Variants in CEP85L observed in about 807,000 individuals in gnomAD.
The protein encoded by CEP85L is centrosomal protein 85L.
In CEP85L, 60 loss-of-function variants were observed where a neutral mutation model predicts 100.3. The observed-to-expected ratio is 0.60, with a 90% CI of 0.49 to 0.74. The LOEUF is 0.74. Among genes scored for constraint, CEP85L ranks in the 30% least tolerant of loss-of-function variants. The pLI is 0.00. For synonymous variants in CEP85L, 319 were observed against 322.7 expected, an observed-to-expected ratio of 0.99 and a Z score of 0.12; for missense variants, 973 against 936.2, an observed-to-expected ratio of 1.04 and a Z score of -0.51.
chr6:118,491,344 T>C, intron 6 of CEP85L: 2 of 393,812 alleles, frequency 5.1e-6, no homozygotes, highest in Non-Finnish European at 7.4e-6. Context: ...TTATTAAAGA[T>C]AGGCCAGCTT....
intron 12 of CEP85L, among the ~76,000 whole-genome samples, chr6:118,467,995 G>A (rs141615296): frequency 1.3e-5 from 2 of 152,288 alleles, no homozygotes; most frequent in East Asian, 3.9e-4. Flanking sequence ...CTGTGTTCAG[G>A]TTATCTGCAT....
At chr6:118,650,399 CACA>C (rs1418768343) in intron 1 of CEP85L, among the ~76,000 whole-genome samples, 2 of 152,182 alleles carry the variant, frequency 1.3e-5, no homozygotes. Flanking sequence ...GTGGCTCCTA[CACA>C]ACTTCTGAGC....
chr6:118,566,135 C>A lies in CEP85L; in HGVS notation c.414G>T (p.Arg138Ser), dbSNP rs202011854. 45 of 1,614,048 alleles carry A rather than the reference C, an allele frequency of 2.8e-5. No individual in the cohort carries two copies. The highest frequency in any genetic ancestry group is 3.3e-5 in the Non-Finnish European group (39 of 1,180,032). Residue 138 changes from arginine (R) to serine (S), a missense_variant, in exon 3 of 13, where the codon AGG (arginine) becomes AGT (serine). By Grantham distance (110) the Arg-to-Ser change is moderately radical (BLOSUM62 -1). Around this residue, in one of 3 missense-constraint regions of CEP85L, gnomAD observed 890 missense variants for 844.5 expected, o/e 1.05. Coordinates refer to ENST00000368491, the MANE Select transcript of CEP85L (RefSeq NM_001042475.3). ...TGTCTAGGGAAGAGTCCTGCTCCCC[C>A]CTACTGTGGTTTCCCAATGTTTGCA... ...SLMQTLGNHS[R>S]GEQDSSLDMK...
rs565036022 is a variant in CEP85L at position 118,470,588 on chromosome 6, C to T, written c.1971G>A (p.Glu657=). The change falls in exon 11 of 13, where the codon GAG becomes GAA. Residue 657 remains glutamate (E), a synonymous_variant. Transcript: ENST00000368491. Reference sequence around the variant, plus strand: ...GTACATTTCTTTCTTTCTTTTCCAGCTCTTCCATCATCTTTTGAGTGGTCA... The same window carrying T: ...GTACATTTCTTTCTTTCTTTTCCAGTTCTTCCATCATCTTTTGAGTGGTCA... ...EKLTTQKMME[E]LEKKERNVQR... The T allele has an allele frequency of 6.2e-7, 1 of 1,607,402 alleles. No individual in the cohort carries two copies. The highest frequency in any genetic ancestry group is 1.1e-5 in the South Asian group (1 of 90,190).
intron 3 of CEP85L, 66 bp downstream of exon 3, chr6:118,565,463 T>C (rs1779443834): frequency 7.1e-7 from 1 of 1,415,844 alleles, no homozygotes. Flanking sequence ...ATATGCTTAC[T>C]GTAAGTGTGC....
At chr6:118,606,779 C>A (rs1772253002) in intron 2 of CEP85L, among the ~76,000 whole-genome samples, 1 of 152,222 alleles carries the variant, frequency 6.6e-6, no homozygotes, top group African/African-American at 2.4e-5. Context: ...TGAAGTACCC[C>A]TCAACACAGA....
At chr6:118,628,663 A>G (rs769263933) in intron 2 of CEP85L, among the ~76,000 whole-genome samples, 2 of 152,008 alleles carry the variant, frequency 1.3e-5, no homozygotes, top group African/African-American at 4.8e-5. Context: ...CAAACAAACA[A>G]ACAAACAAAA....
At chr6:118,576,934 G>T (rs879886874) in intron 2 of CEP85L, among the ~76,000 whole-genome samples, 1 of 152,162 alleles carries the variant, frequency 6.6e-6, no homozygotes, top group South Asian at 2.1e-4. Context: ...GCGACAGGTA[G>T]GCCAGAAACC....
At chr6:118,628,603 C>T (rs972870940) in intron 2 of CEP85L, among the ~76,000 whole-genome samples, 5 of 151,238 alleles carry the variant, frequency 3.3e-5, no homozygotes, top group African/African-American at 1.2e-4. Context: ...CCACTACACT[C>T]TAGCCTGGGC....
chr6:118,470,704 A>T (rs1364684621), intron 10 of CEP85L, 60 bp from the exon 11 acceptor site: 1 of 937,932 alleles, frequency 1.1e-6, no homozygotes, highest in Non-Finnish European at 1.6e-6. Context: ...AAAATCTCAA[A>T]CAGAAAGAAG....
intron 1 of CEP85L, among the ~76,000 whole-genome samples, chr6:118,641,828 GAA>G (rs11289822): frequency 0.17 from 25,012 of 149,648 alleles, 2,194 homozygotes; most frequent in Non-Finnish European, 0.19. Flanking sequence ...TTTTGCAAGA[GAA>G]AAAAAAAAAA....
At chr6:118,578,802 C>A (rs72954806) in intron 2 of CEP85L, among the ~76,000 whole-genome samples, 2 of 152,072 alleles carry the variant, frequency 1.3e-5, no homozygotes, top group Non-Finnish European at 2.9e-5. Context: ...CAGGCAGCAC[C>A]CTTCTGTAGA....
chr6:118,483,424 G>A (rs780360208), intron 7 of CEP85L, among the ~76,000 whole-genome samples: 28 of 152,132 alleles, frequency 1.8e-4, no homozygotes, highest in Non-Finnish European at 3.8e-4. Flanking sequence ...CTGGGGGTGT[G>A]TGCATGCATG....
intron 1 of CEP85L, among the ~76,000 whole-genome samples, chr6:118,689,036 G>A (rs183545842): frequency 2.6e-5 from 4 of 152,222 alleles, no homozygotes; most frequent in Admixed American, 6.5e-5. Context: ...GAACTGATGC[G>A]CTCTTCCCTT....
rs552573878 is a variant in CEP85L, at chr6:118,675,215, C to T, written c.-27-22407G>A. On this transcript the variant is annotated intron_variant, in intron 1 of 13. Transcript: ENST00000368488. Reference sequence around the variant, plus strand: ...AACATTATACTAAGTGAAAGAATCCCGACACAAAAACCACATATTTTATGA... The same window carrying T: ...AACATTATACTAAGTGAAAGAATCCTGACACAAAAACCACATATTTTATGA... 5.3e-5 allele frequency among the ~76,000 whole-genome samples: 8 copies of T among 151,932 alleles called. 1 individual carries two copies. The highest frequency in any genetic ancestry group is 1.2e-4 in the African/African-American group (5 of 41,444).
chr6:118,512,877 A>C (rs1179302995), intron 4 of CEP85L, among the ~76,000 whole-genome samples: 4 of 152,222 alleles, frequency 2.6e-5, no homozygotes, highest in Non-Finnish European at 4.4e-5. Flanking sequence ...GTACAAAAAA[A>C]GCAGAAAAAA....
At chr6:118,476,769 C>A (rs983516683) in intron 10 of CEP85L, among the ~76,000 whole-genome samples, 1 of 152,180 alleles carries the variant, frequency 6.6e-6, no homozygotes, top group Non-Finnish European at 1.5e-5. Flanking sequence ...TGTCCTCTAA[C>A]GTATTATTCT....
intron 8 of CEP85L, among the ~76,000 whole-genome samples, 166 bp from the exon 9 acceptor site, chr6:118,480,679 A>G (rs1773713832): frequency 6.6e-6 from 1 of 152,168 alleles, no homozygotes. Context: ...AGTTCATAAC[A>G]AGTAAGAAGG....
chr6:118,693,541 G>C (rs1269048844), intron 1 of CEP85L, among the ~76,000 whole-genome samples: 1 of 152,166 alleles, frequency 6.6e-6, no homozygotes, highest in African/African-American at 2.4e-5. Context: ...CATCCAAGGA[G>C]CCTCACTGCA....
Sources: gnomAD v4.1 joint callset for allele counts (sites outside exome capture counted in the v4.1 genomes callset) on GRCh38, gnomAD v4.1.1 for gene constraint, gnomAD v4.1.1 regional missense constraint, MANE v1.5 for transcripts, NCBI Gene and HGNC (gene_info 2026-07-23, HGNC 2026-07-21) for gene names.